NCAM2: variants seen among roughly 807,000 people sequenced by gnomAD.
The protein encoded by NCAM2 is neural cell adhesion molecule 2.
NCAM2 carries 30 observed loss-of-function variants against 98.1 expected under a neutral mutation model. That is an observed-to-expected ratio of 0.31 (90% CI 0.23 to 0.41). The LOEUF (loss-of-function observed/expected upper bound fraction) is 0.41. NCAM2 is among the 10% of genes least tolerant of loss of function. NCAM2 has a pLI of 1.00. For missense variants in NCAM2, 867 were observed against 1,005.8 expected, an observed-to-expected ratio of 0.86 and a Z score of 1.87; for synonymous variants, 368 against 342.4, an observed-to-expected ratio of 1.07 and a Z score of -0.83.
At chr21:21,125,407 AATATT>A (rs1260309249) in intron 1 of NCAM2, among the ~76,000 whole-genome samples, 3 of 139,210 alleles carry the variant, frequency 2.2e-5, no homozygotes, top group African/African-American at 8.2e-5. Flanking sequence ...TGTAATATAT[AATATT>A]TTACATATAT....
At chr21:21,272,489 C>T (rs944910958) in intron 1 of NCAM2, among the ~76,000 whole-genome samples, 1 of 115,116 alleles carries the variant, frequency 8.7e-6, no homozygotes, top group Non-Finnish European at 1.8e-5. Flanking sequence ...CGCACACATA[C>T]ACACACATGC....
intron 7 of NCAM2, among the ~76,000 whole-genome samples, chr21:21,335,993 A>G (rs913761011): frequency 3.3e-5 from 5 of 152,182 alleles, no homozygotes; most frequent in Non-Finnish European, 5.9e-5. Flanking sequence ...AGTTTTACTT[A>G]CAATATAGTT....
intron 1 of NCAM2, among the ~76,000 whole-genome samples, chr21:21,139,472 T>C (rs1038857511): frequency 6.6e-6 from 1 of 152,228 alleles, no homozygotes; most frequent in African/African-American, 2.4e-5. Flanking sequence ...AAGCACGACT[T>C]TTCACAAACA....
At chr21:21,153,653 G>T (rs1164657878) in intron 1 of NCAM2, among the ~76,000 whole-genome samples, 4 of 151,794 alleles carry the variant, frequency 2.6e-5, no homozygotes, top group Non-Finnish European at 5.9e-5. Context: ...ATGGTGGGGG[G>T]TACCGTGCGA....
chr21:21,200,771 T>TTTC (rs2069188144), intron 1 of NCAM2, among the ~76,000 whole-genome samples: 62 of 127,006 alleles, frequency 4.9e-4, no homozygotes, highest in Non-Finnish European at 1.0e-3. Context: ...TTTTTTTTTT[T>TTTC]GAAGTGTCAA....
chr21:21,479,546 T>C (rs1414680460), intron 15 of NCAM2, among the ~76,000 whole-genome samples: 1 of 119,878 alleles, frequency 8.3e-6, no homozygotes, highest in East Asian at 2.3e-4. Context: ...ACCGCGCCAC[T>C]GCACTCCAGC....
At chr21:21,120,356 C>A (rs9284503) in intron 1 of NCAM2, among the ~76,000 whole-genome samples, 148,329 of 151,724 alleles carry the variant, frequency 0.98, 72,502 homozygotes, top group East Asian at 1. Flanking sequence ...ACTTAAAAAA[C>A]AAATCAAGTG....
chr21:21,420,748 G>A (rs1402756573), intron 11 of NCAM2, among the ~76,000 whole-genome samples: 1 of 151,834 alleles, frequency 6.6e-6, no homozygotes, highest in Non-Finnish European at 1.5e-5. Context: ...ATAGAGAAGG[G>A]AGAAAAGAGA....
chr21:21,528,054 A>C (rs1253853552), intron 16 of NCAM2, among the ~76,000 whole-genome samples: 1 of 152,234 alleles, frequency 6.6e-6, no homozygotes, highest in Admixed American at 6.5e-5. Context: ...ACATGGAGGA[A>C]ACTTAGATGA....
At chr21:21,167,126 G>C (rs940024829) in intron 1 of NCAM2, among the ~76,000 whole-genome samples, 2 of 151,842 alleles carry the variant, frequency 1.3e-5, no homozygotes, top group Admixed American at 1.3e-4. Flanking sequence ...TGTGTTTTGG[G>C]GGTGATCTGG....
intron 1 of NCAM2, among the ~76,000 whole-genome samples, chr21:21,217,871 G>A (rs2069969882): frequency 6.6e-6 from 1 of 152,198 alleles, no homozygotes; most frequent in Admixed American, 6.5e-5. Context: ...AAAACAGGAT[G>A]GAGGTGACTT....
At chr21:21,290,864 C>G (rs776957169) in intron 4 of NCAM2, among the ~76,000 whole-genome samples, 9 of 151,808 alleles carry the variant, frequency 5.9e-5, no homozygotes, top group African/African-American at 2.2e-4. Context: ...ACTACCCTAG[C>G]AGTTTATGGC....
At chr21:21,314,128 A>T (rs542803978) in intron 5 of NCAM2, among the ~76,000 whole-genome samples, 6 of 152,140 alleles carry the variant, frequency 3.9e-5, no homozygotes, top group Non-Finnish European at 7.4e-5. Flanking sequence ...CTCACGTTTT[A>T]TTTCTGGAGT....
intron 1 of NCAM2, among the ~76,000 whole-genome samples, chr21:21,001,828 C>T (rs1442047469): frequency 6.6e-6 from 1 of 152,156 alleles, no homozygotes; most frequent in Non-Finnish European, 1.5e-5. Flanking sequence ...CCCAGTTGAT[C>T]AGTTAAAGCA....
At chr21:21,014,131 C>T (rs898557392) in intron 1 of NCAM2, among the ~76,000 whole-genome samples, 2 of 152,156 alleles carry the variant, frequency 1.3e-5, no homozygotes, top group African/African-American at 2.4e-5. Context: ...ATTTGCTATT[C>T]TTATAGTCCT....
At chr21:21,465,197 T>C (rs1983521705) in intron 12 of NCAM2, among the ~76,000 whole-genome samples, 1 of 152,092 alleles carries the variant, frequency 6.6e-6, no homozygotes, top group Non-Finnish European at 1.5e-5. Context: ...GTAATTTTTA[T>C]ATATTTTTTC....
intron 8 of NCAM2, among the ~76,000 whole-genome samples, chr21:21,348,019 A>C (rs2075235574): frequency 6.6e-6 from 1 of 152,120 alleles, no homozygotes; most frequent in Non-Finnish European, 1.5e-5. Flanking sequence ...CTGAATGTGG[A>C]AAAATTGAAA....
chr21:21,105,232 GAC>G (rs776314535), intron 1 of NCAM2, among the ~76,000 whole-genome samples: 3 of 152,176 alleles, frequency 2.0e-5, no homozygotes, highest in Non-Finnish European at 2.9e-5. Context: ...GGACTTCATA[GAC>G]AATAGTAGGA....
chr21:21,073,920 G>T (rs8134735), intron 1 of NCAM2, among the ~76,000 whole-genome samples: 5,639 of 152,256 alleles, frequency 0.037, 325 homozygotes, highest in African/African-American at 0.13. Context: ...TCTGATTGAG[G>T]ATTTAAAGTG....
Sources: allele counts gnomAD v4.1 joint callset (sites outside exome capture counted in the v4.1 genomes callset), GRCh38; gene constraint gnomAD v4.1.1; transcripts MANE v1.5; gene names NCBI Gene and HGNC (gene_info 2026-07-23, HGNC 2026-07-21).